The following KICS2 variants were observed in gnomAD, a reference collection of about 807,000 sequenced individuals.
KICS2 encodes the protein KICSTOR subunit 2, also known as KICSTOR complex protein C12orf66.
KICS2 carries 13 observed loss-of-function variants against 31.4 expected under a neutral mutation model. The observed-to-expected ratio is 0.41, with a 90% CI of 0.27 to 0.66. The LOEUF is 0.66. Among genes scored for constraint, KICS2 ranks in the 30% least tolerant of loss-of-function variants. KICS2 has a pLI of 0.28. For synonymous variants in KICS2, 209 were observed against 214.8 expected, an observed-to-expected ratio of 0.97 and a Z score of 0.24; for missense variants, 455 against 545.4, an observed-to-expected ratio of 0.83 and a Z score of 1.65.
At position 64,222,128 on chromosome 12, in the gene KICS2, A is replaced by C; in HGVS notation, c.110T>G (p.Val37Gly). The stretch of plus-strand genomic sequence containing the variant: ...CTTGTTGGCCTCTCGTTCCTTCTCC[A>C]CATTGTCCTTAGCCTTGTCGTAAGA... The part of the protein sequence containing the change: ...IFSYDKAKDN[V>G]EKEREANKSA... The change falls in exon 1 of 3, where the codon GTG becomes GGG. Residue 37 changes from valine (V) to glycine (G), a missense_variant. Coordinates refer to ENST00000398055, the MANE Select transcript of KICS2 (RefSeq NM_152440.5). 6.2e-7 allele frequency: 1 copy of C among 1,613,990 alleles called. No individual in the cohort carries two copies. Among genetic ancestry groups the C allele is most frequent in the Non-Finnish European group, 8.5e-7 (1 of 1,179,926 alleles).
chr12:64,196,522 A>G (rs2037440714), intron 2 of KICS2, among the ~76,000 whole-genome samples: 1 of 151,646 alleles, frequency 6.6e-6, no homozygotes, highest in Admixed American at 6.6e-5. Flanking sequence ...GAAAAACTGG[A>G]AACTCTAAAA....
rs773391937 is a variant in KICS2, at chr12:64,222,212, G to T, written c.26C>A (p.Ala9Asp). The change falls in exon 1 of 3, where the codon GCC becomes GAC. Residue 9 changes from alanine to aspartate, a missense_variant. Coordinates refer to ENST00000398055, the MANE Select transcript of KICS2 (RefSeq NM_152440.5). ...CACCGCCTGTTCCACCGGGACCGGG[G>T]CGGCCAGCGGGATAGACTCCCCCAT... MGESIPLAAPVPVEQAVLE... is the reference protein window; with the variant it reads MGESIPLADPVPVEQAVLE... 19 of 1,613,898 alleles carry T rather than the reference G, an allele frequency of 1.2e-5. 1 individual carries two copies. The South Asian group carries it at 2.1e-4, about 18-fold the overall frequency.
Position 64,215,730 on chromosome 12 carries a change from C to T in KICS2, c.469G>A (p.Ala157Thr). Residue 157 changes from alanine to threonine, a missense_variant, in exon 2 of 3, where the codon GCT becomes ACT. Ala to Thr is a moderately conservative substitution (Grantham distance 58, BLOSUM62 0). Coordinates refer to ENST00000398055, the MANE Select transcript of KICS2 (RefSeq NM_152440.5). ...YTLSTQKFINAEELVGLLDAI... is the reference protein window; with the variant it reads ...YTLSTQKFINTEELVGLLDAI... ...TCCAAAAGGCCAACGAGCTCTTCAG[C>T]ATTGATGAACTTCTGTGTGCTGAGG... is the stretch of plus-strand genomic sequence containing the variant. 1.2e-6 allele frequency: 2 copies of T among 1,614,032 alleles called. No homozygotes were observed. Among genetic ancestry groups the T allele is most frequent in the South Asian group, 1.1e-5 (1 of 91,072 alleles).
chr12:64,197,905 C>A (rs1285934871), intron 2 of KICS2, among the ~76,000 whole-genome samples: 11 of 138,222 alleles, frequency 8.0e-5, no homozygotes, highest in Admixed American at 2.2e-4. Flanking sequence ...AGCTAACTAT[C>A]CTAAATATAT....
In KICS2 at chr12:64,193,780, T is replaced by C. The variant is rs544852380; in HGVS notation, c.*62A>G. The C allele has an allele frequency of 2.2e-5, 33 of 1,531,128 alleles. No individual in the cohort carries two copies. The African/African-American group carries it at 4.0e-4, about 18-fold the overall frequency. The allele number at this position is 1,531,128 out of a possible 1,614,324, so 94.8% of individuals were successfully genotyped here. A position where few individuals can be genotyped will look rare whatever the true frequency, so the allele number is the denominator to read the frequency against. On this transcript the variant is annotated 3_prime_UTR_variant, in exon 3 of 3. Transcript: ENST00000398055. ...TGTAAACTCTATTCACAGACCACCG[T>C]AGATCATTAGGGCAATTAAGAACAG...
chr12:64,215,883 T>TCACCAC lies in KICS2; in HGVS notation c.310_315dup (p.Val104_Val105dup), dbSNP rs2037623928. The TCACCAC allele has an allele frequency of 6.2e-7, 1 of 1,613,780 alleles. No homozygotes were observed. Among genetic ancestry groups the TCACCAC allele is most frequent in the African/African-American group, 1.3e-5 (1 of 74,920 alleles). ...GTCCCACCCAGGGCACCACGGCCAGTCACCACCTTCTTCAGCTCATTATGC... is the reference window on the plus strand; with the variant it reads ...GTCCCACCCAGGGCACCACGGCCAGTCACCACCACCACCTTCTTCAGCTCATTATGC... On this transcript the variant is annotated inframe_insertion, in exon 2 of 3. Coordinates refer to ENST00000398055, the MANE Select transcript of KICS2 (RefSeq NM_152440.5).
In KICS2 at chr12:64,192,143, T is replaced by G. The variant is rs2037385435; in HGVS notation, c.*1699A>C. 6.6e-6 allele frequency: 1 copy of G among 151,512 alleles called. No homozygotes were observed. Among genetic ancestry groups the G allele is most frequent in the East Asian group, 1.9e-4 (1 of 5,184 alleles). The allele number at this position is 151,512 out of a possible 1,614,324, so 9.4% of individuals were successfully genotyped here. On this transcript the variant is annotated 3_prime_UTR_variant, in exon 3 of 3. Coordinates refer to ENST00000398055, the MANE Select transcript of KICS2 (RefSeq NM_152440.5). ...GTTCTTCTTCTTCTTTTTTTTTTTT[T>G]GAGACAGGTCTCGCTCTTTCACCCA...
chr12:64,221,910 G>A (rs980506291), intron 1 of KICS2, 93 bp downstream of exon 1: 1 of 1,340,650 alleles, frequency 7.5e-7, no homozygotes, highest in Non-Finnish European at 1.0e-6. Context: ...GACTAGAAGT[G>A]ACACAGAGAC....
intron 2 of KICS2, among the ~76,000 whole-genome samples, chr12:64,205,626 GAAAAA>G: frequency 7.3e-6 from 1 of 136,468 alleles, no homozygotes. Context: ...AGGAAGGAAG[GAAAAA>G]GGGAGGGAAG....
At chr12:64,195,369 T>TA (rs2136688718) in intron 2 of KICS2, among the ~76,000 whole-genome samples, 1 of 152,342 alleles carries the variant, frequency 6.6e-6, no homozygotes, top group Non-Finnish European at 1.5e-5. Context: ...GTTGAATGTG[T>TA]AGATGACACA....
At chr12:64,196,648 C>T (rs1214302872) in intron 2 of KICS2, among the ~76,000 whole-genome samples, 2 of 149,174 alleles carry the variant, frequency 1.3e-5, no homozygotes, top group Admixed American at 1.3e-4. Context: ...GATCAAATTA[C>T]TCTGAGCTAC....
Position 64,193,455 on chromosome 12 carries a change from C to T in KICS2, c.*387G>A. On this transcript the variant is annotated 3_prime_UTR_variant, in exon 3 of 3. Transcript: ENST00000398055. ...CATTTAATATCTCATCCCTATTACT[C>T]TTCCAAGAAGGAGGGAAACAGAGAG... The T allele has an allele frequency of 1.0e-6, 1 of 1,004,136 alleles. No individual in the cohort carries two copies. Among genetic ancestry groups the T allele is most frequent in the Non-Finnish European group, 1.2e-6 (1 of 842,428 alleles). 62.2% of individuals were successfully genotyped at this position (1,004,136 alleles called of 1,614,324 possible).
intron 2 of KICS2, among the ~76,000 whole-genome samples, chr12:64,203,736 G>A (rs1199681064): frequency 6.6e-6 from 1 of 152,134 alleles, no homozygotes; most frequent in Non-Finnish European, 1.5e-5. Flanking sequence ...AAAGGATTAT[G>A]GTTAAGAGAG....
intron 1 of KICS2, among the ~76,000 whole-genome samples, chr12:64,218,906 G>T (rs928471188): frequency 6.6e-6 from 1 of 152,168 alleles, no homozygotes; most frequent in Non-Finnish European, 1.5e-5. Context: ...TTTTCTCAAA[G>T]CTCTCAGGAA....
chr12:64,189,848 G>C (rs2037365978), downstream of KICS2, among the ~76,000 whole-genome samples: 1 of 152,068 alleles, frequency 6.6e-6, no homozygotes, highest in South Asian at 2.1e-4. Flanking sequence ...TGGGCCTAAT[G>C]ACAGGGCTCC....
intron 2 of KICS2, among the ~76,000 whole-genome samples, chr12:64,197,926 T>C (rs2037456442): frequency 7.4e-6 from 1 of 135,776 alleles, no homozygotes; most frequent in Non-Finnish European, 1.5e-5. Context: ...ATGCACCCAA[T>C]ACAGGAGCAC....
chr12:64,215,649 C>CTT lies in KICS2; in HGVS notation c.521+27_521+28dup, dbSNP rs768706484. ...GTGTGGGATTGATAGGACAGCCACGCTTTCTCCCTCCCTCCTCCCCACACT... is the reference window on the plus strand; with the variant it reads ...GTGTGGGATTGATAGGACAGCCACGCTTTTTCTCCCTCCCTCCTCCCCACACT... On this transcript the variant is annotated intron_variant, in intron 2 of 2. Coordinates refer to ENST00000398055, the MANE Select transcript of KICS2 (RefSeq NM_152440.5). 3 of 1,586,050 alleles carry CTT rather than the reference C, an allele frequency of 1.9e-6. No individual in the cohort carries two copies. In the South Asian group the frequency reaches 3.4e-5, roughly 18 times the overall value.
chr12:64,196,292 C>A (rs1234750731), intron 2 of KICS2, among the ~76,000 whole-genome samples: 3 of 44,358 alleles, frequency 6.8e-5, no homozygotes, highest in Non-Finnish European at 1.2e-4. Flanking sequence ...GTTCCTGACC[C>A]CTGACCCCCG....
intron 1 of KICS2, 163 bp from the exon 2 acceptor site, chr12:64,216,126 A>AATCATAAATACTTTGATT (rs2037626684): frequency 2.2e-5 from 2 of 90,582 alleles, no homozygotes; most frequent in East Asian, 2.7e-4. Flanking sequence ...ACTTTATGAT[A>AATCATAAATACTTTGATT]ATCATAAATA....
Sources: gnomAD v4.1 joint callset for allele counts (sites outside exome capture counted in the v4.1 genomes callset) on GRCh38, gnomAD v4.1.1 for gene constraint, MANE v1.5 for transcripts, NCBI Gene and HGNC (gene_info 2026-07-23, HGNC 2026-07-21) for gene names.